The following SPACA1 variants were observed in gnomAD, a reference collection of about 807,000 sequenced individuals.
SPACA1 encodes sperm acrosome associated 1, also known as sperm acrosome membrane-associated protein 1.
In SPACA1, 17 loss-of-function variants were observed where a neutral mutation model predicts 32.6. That is an observed-to-expected ratio of 0.52 (90% CI 0.36 to 0.78). The LOEUF (loss-of-function observed/expected upper bound fraction) is 0.78, where lower values mean the gene tolerates loss of function less well. SPACA1 is among the 30% of genes least tolerant of loss of function. The probability of loss-of-function intolerance (pLI) is 0.01; values close to 1 mark genes in which losing one functional copy is unlikely to be tolerated. For synonymous variants in SPACA1, 140 were observed against 138.1 expected (o/e 1.01, Z -0.10); for missense variants, 363 against 373.4 (o/e 0.97, Z 0.23).
chr6:88,058,055 G>T (rs920620149), intron 3 of SPACA1, among the ~76,000 whole-genome samples: 3 of 152,272 alleles, frequency 2.0e-5, no homozygotes, highest in South Asian at 2.1e-4. Context: ...ACTTTAAAAT[G>T]GGAACTTTGA....
rs1349144358 is a variant in SPACA1, at chr6:88,064,139, A to G, written c.651A>G (p.Ala217=). 2 of 1,613,568 alleles carry G rather than the reference A, an allele frequency of 1.2e-6. No individual in the cohort carries two copies. Among genetic ancestry groups the G allele is most frequent in the South Asian group, 2.2e-5 (2 of 91,022 alleles). Residue 217 remains alanine (A), a synonymous_variant, in exon 6 of 7, where the codon GCA becomes GCG. Coordinates refer to ENST00000237201, the MANE Select transcript of SPACA1 (RefSeq NM_030960.3). ...GATCAAGCCTACCAGCCACTGATGC[A>G]GCCCTAATTTTTGTGCTGACCATAG... ...MRRSSLPATD[A]ALIFVLTIGV...
upstream of SPACA1, among the ~76,000 whole-genome samples, chr6:88,047,483 T>C (rs1276007851): frequency 2.0e-5 from 3 of 152,012 alleles, no homozygotes; most frequent in East Asian, 3.8e-4. Context: ...GGGTAAACAT[T>C]ATGTACGAAA....
chr6:88,060,557 A>G (rs1775877302), intron 5 of SPACA1, among the ~76,000 whole-genome samples: 1 of 152,236 alleles, frequency 6.6e-6, no homozygotes, highest in Non-Finnish European at 1.5e-5. Flanking sequence ...AAAATAAACT[A>G]CTATTTAAAC....
intron 1 of SPACA1, among the ~76,000 whole-genome samples, chr6:88,049,590 AT>A (rs1317388333): frequency 6.6e-6 from 1 of 152,232 alleles, no homozygotes; most frequent in Non-Finnish European, 1.5e-5. Flanking sequence ...AGAAACAGTT[AT>A]CCCCATTTAC....
intron 2 of SPACA1, among the ~76,000 whole-genome samples, chr6:88,056,041 G>A (rs961825507): frequency 3.3e-5 from 5 of 151,602 alleles, no homozygotes; most frequent in African/African-American, 4.8e-5. Context: ...TAATTACTTC[G>A]GAATTAAGGC....
chr6:88,053,106 A>G (rs1775755346), intron 1 of SPACA1, among the ~76,000 whole-genome samples: 1 of 152,242 alleles, frequency 6.6e-6, no homozygotes, highest in Non-Finnish European at 1.5e-5. Flanking sequence ...AGGGTTAACT[A>G]AGCCTGACAG....
At chr6:88,047,111 C>T (rs1178341945), upstream of SPACA1, among the ~76,000 whole-genome samples, 2 of 152,192 alleles carry the variant, frequency 1.3e-5, no homozygotes, top group East Asian at 3.8e-4. Context: ...CTTTTCAGCG[C>T]TTGAACTCCC....
chr6:88,047,614 C>T (rs574905252), upstream of SPACA1, among the ~76,000 whole-genome samples: 1 of 152,316 alleles, frequency 6.6e-6, no homozygotes, highest in African/African-American at 2.4e-5. Context: ...CTCAAGGAGG[C>T]GCCCTGGGCA....
intron 1 of SPACA1, among the ~76,000 whole-genome samples, chr6:88,052,953 A>G (rs971439011): frequency 1.8e-4 from 27 of 152,242 alleles, no homozygotes; most frequent in African/African-American, 6.0e-4. Flanking sequence ...TAAATTAATA[A>G]GTACAAAATG....
chr6:88,063,700 A>C (rs1025889058), intron 5 of SPACA1, among the ~76,000 whole-genome samples: 1 of 152,176 alleles, frequency 6.6e-6, no homozygotes, highest in East Asian at 1.9e-4. Flanking sequence ...TTTGTGTGAA[A>C]ATTTTATTTC....
At position 88,047,881 on chromosome 6, in the gene SPACA1, C is replaced by G. The variant is rs780828165; in HGVS notation, c.-25C>G. 31 of 1,513,890 alleles carry G rather than the reference C, an allele frequency of 2.0e-5. No homozygotes were observed. The highest frequency in any genetic ancestry group is 2.3e-4 in the Middle Eastern group (1 of 4,256). 93.8% of individuals were successfully genotyped at this position (1,513,890 alleles called of 1,614,324 possible). ...AGGAGCCGCGGCGGCGACTGCGCCTCGGACGGCCGTCGGGGCCGAGAACCA... is the reference window on the plus strand; with the variant it reads ...AGGAGCCGCGGCGGCGACTGCGCCTGGGACGGCCGTCGGGGCCGAGAACCA... On this transcript the variant is annotated 5_prime_UTR_variant, in exon 1 of 7. Coordinates refer to ENST00000237201, the MANE Select transcript of SPACA1 (RefSeq NM_030960.3).
At position 88,047,951 on chromosome 6, in the gene SPACA1, G is replaced by GT; in HGVS notation, c.47dup (p.Gly17ArgfsTer50). On this transcript the variant is annotated frameshift_variant, in exon 1 of 7. Transcript: ENST00000237201. LOFTEE classifies it high-confidence loss of function. ...CTGCTCCGCCGGGCTGCTGATGACT[G>GT]TCGGCTGGCTGCTTCTGGCGGGCCT... 6.4e-7 allele frequency: 1 copy of GT among 1,570,874 alleles called. No homozygotes were observed. The highest frequency in any genetic ancestry group is 8.6e-7 in the Non-Finnish European group (1 of 1,158,922).
rs539138248 is a variant in SPACA1 at position 88,048,252 on chromosome 6, C to G, written c.208+139C>G. The G allele has an allele frequency of 1.0e-5, 9 of 899,078 alleles. No individual in the cohort carries two copies. The South Asian group carries it at 1.4e-4, about 14-fold the overall frequency. 55.7% of individuals were successfully genotyped at this position (899,078 alleles called of 1,614,324 possible). A position where few individuals can be genotyped will look rare whatever the true frequency, so the allele number is the denominator to read the frequency against. On this transcript the variant is annotated intron_variant, in intron 1 of 6. Transcript: ENST00000237201. ...TCATACTTCAGCCCCGAGTTTGTCCCTTTCTTGCATCCTGTGGCCTTGAAG... is the reference window on the plus strand; with the variant it reads ...TCATACTTCAGCCCCGAGTTTGTCCGTTTCTTGCATCCTGTGGCCTTGAAG...
rs1460092916 is a variant in SPACA1, at chr6:88,047,862, C to T, written c.-44C>T. 8.8e-6 allele frequency: 13 copies of T among 1,482,034 alleles called. No homozygotes were observed. Among genetic ancestry groups the T allele is most frequent in the Non-Finnish European group, 1.2e-5 (13 of 1,112,780 alleles). 91.8% of individuals were successfully genotyped at this position (1,482,034 alleles called of 1,614,324 possible). A position where few individuals can be genotyped will look rare whatever the true frequency, so the allele number is the denominator to read the frequency against. On this transcript the variant is annotated 5_prime_UTR_variant, in exon 1 of 7. Coordinates refer to ENST00000237201, the MANE Select transcript of SPACA1 (RefSeq NM_030960.3). ...CTTCGACGTACCTGTCCTCAGGAGCCGCGGCGGCGACTGCGCCTCGGACGG... is the reference window on the plus strand; with the variant it reads ...CTTCGACGTACCTGTCCTCAGGAGCTGCGGCGGCGACTGCGCCTCGGACGG...
intron 2 of SPACA1, among the ~76,000 whole-genome samples, chr6:88,056,711 G>A (rs1206299012): frequency 1.3e-5 from 2 of 152,084 alleles, no homozygotes; most frequent in Non-Finnish European, 2.9e-5. Flanking sequence ...GAGGAAATCT[G>A]GTAATTAAGG....
intron 4 of SPACA1, 75 bp downstream of exon 4, chr6:88,058,897 A>C (rs1302846261): frequency 1.0e-6 from 1 of 959,956 alleles, no homozygotes; most frequent in Non-Finnish European, 1.5e-6. Flanking sequence ...GATGGCTTTC[A>C]GAAAACTTTC....
intron 2 of SPACA1, among the ~76,000 whole-genome samples, chr6:88,054,705 TAAG>T (rs1398952928): frequency 6.6e-6 from 1 of 152,086 alleles, no homozygotes; most frequent in African/African-American, 2.4e-5. Context: ...TATCAGAGGA[TAAG>T]AAGACAAAAT....
rs1775665816 is a variant in SPACA1 at position 88,047,933 on chromosome 6, G to T, written c.28G>T (p.Ala10Ser). MSPRGTGCS[A>S]GLLMTVGWLL... is the part of the protein sequence containing the mutation. ...GAGCCCCAGGGGCACGGGCTGCTCCGCCGGGCTGCTGATGACTGTCGGCTG... is the reference window on the plus strand; with the variant it reads ...GAGCCCCAGGGGCACGGGCTGCTCCTCCGGGCTGCTGATGACTGTCGGCTG... The change falls in exon 1 of 7, where the codon GCC becomes TCC. Residue 10 changes from alanine (A) to serine (S), a missense_variant. Transcript: ENST00000237201. 1.9e-6 allele frequency: 3 copies of T among 1,563,722 alleles called. No homozygotes were observed. Among genetic ancestry groups the T allele is most frequent in the Non-Finnish European group, 2.6e-6 (3 of 1,155,102 alleles).
intron 1 of SPACA1, among the ~76,000 whole-genome samples, chr6:88,048,801 C>T (rs965302392): frequency 6.6e-6 from 1 of 152,046 alleles, no homozygotes; most frequent in African/African-American, 2.4e-5. Context: ...TCTGCTGGCT[C>T]ATTAAGCAAT....
Sources: gnomAD v4.1 joint callset for allele counts (sites outside exome capture counted in the v4.1 genomes callset) on GRCh38, gnomAD v4.1.1 for gene constraint, MANE v1.5 for transcripts, NCBI Gene and HGNC (gene_info 2026-07-23, HGNC 2026-07-21) for gene names.